The following RALGPS1 variants were observed in gnomAD, a reference collection of about 807,000 sequenced individuals.
RALGPS1 encodes Ral GEF with PH domain and SH3 binding motif 1, also known as ras-specific guanine nucleotide-releasing factor RalGPS1.
RALGPS1 carries 19 observed loss-of-function variants against 78.8 expected under a neutral mutation model. The ratio of observed to expected loss-of-function variants is 0.24; its 90% CI spans 0.17 to 0.35. The LOEUF (loss-of-function observed/expected upper bound fraction) is 0.35. Ranked by LOEUF, RALGPS1 falls within the 10% of genes least tolerant of loss-of-function variation. RALGPS1 has a pLI of 1.00. For missense variants in RALGPS1, 454 were observed against 688.3 expected (o/e 0.66, Z 3.81); for synonymous variants, 228 against 256.3 (o/e 0.89, Z 1.06).
At chr9:127,136,190 GTC>G (rs2057380436) in intron 8 of RALGPS1, among the ~76,000 whole-genome samples, 1 of 152,216 alleles carries the variant, frequency 6.6e-6, no homozygotes, top group Non-Finnish European at 1.5e-5. Context: ...TACCCAAGGA[GTC>G]TCTGCACACT....
rs746852638 is a variant in RALGPS1, at chr9:127,091,689, T to C, written c.610+22333T>C. 5.0e-6 allele frequency: 8 copies of C among 1,613,776 alleles called. No individual in the cohort carries two copies. The Admixed American group carries it at 1.3e-4, about 27-fold the overall frequency. ...TCCTACCTGTGTAGACATCATGATC[T>C]CTGTCCAGGGTGGTGAACTGCTTGC... On this transcript the variant is annotated intron_variant, in intron 8 of 18. Coordinates refer to ENST00000259351, the MANE Select transcript of RALGPS1 (RefSeq NM_014636.3). The surrounding 1 kb of genome is among the most constrained non-coding windows in gnomAD (Gnocchi z 4.3).
chr9:127,175,493 A>T (rs1222407673), intron 11 of RALGPS1, among the ~76,000 whole-genome samples: 1 of 151,930 alleles, frequency 6.6e-6, no homozygotes, highest in African/African-American at 2.4e-5. Context: ...CTTTTTACTC[A>T]TATTCCAACT....
rs185786033 is a variant in RALGPS1, at chr9:127,221,618, T to G, written c.*2849T>G. On this transcript the variant is annotated 3_prime_UTR_variant, in exon 19 of 19. Transcript: ENST00000259351. The stretch of plus-strand genomic sequence containing the variant: ...GTAGAAATCTTGTTCTAACTGTGCC[T>G]GGTGAGAGACTTTGGCCCCCTCCCT... 1 of 152,354 alleles carries G rather than the reference T, an allele frequency of 6.6e-6. No homozygotes were observed. Among genetic ancestry groups the G allele is most frequent in the African/African-American group, 2.4e-5 (1 of 41,580 alleles). The allele number at this position is 152,354 out of a possible 1,614,324, so 9.4% of individuals were successfully genotyped here.
chr9:127,070,693 A>G (rs997175403), intron 8 of RALGPS1, among the ~76,000 whole-genome samples: 4 of 152,088 alleles, frequency 2.6e-5, no homozygotes, highest in Admixed American at 2.6e-4. Context: ...TTATGAAAAA[A>G]TCTTTTGATC....
rs117213036 is a variant in RALGPS1 at position 126,997,866 on chromosome 9, C to T, written c.216+20121C>T. Among the ~76,000 whole-genome samples the T allele has an allele frequency of 9.9e-4, 151 of 152,202 alleles. 3 individuals carry two copies. The East Asian group carries it at 0.028, about 29-fold the overall frequency. On this transcript the variant is annotated intron_variant, in intron 4 of 18. Coordinates refer to ENST00000259351, the MANE Select transcript of RALGPS1 (RefSeq NM_014636.3). ...AACAGAGCCCTCAGAAACAATGCTTCGTATCTACAACTATCTGATCTTTGA... is the reference window on the plus strand; with the variant it reads ...AACAGAGCCCTCAGAAACAATGCTTTGTATCTACAACTATCTGATCTTTGA...
At chr9:127,012,581 C>T (rs146392427) in intron 4 of RALGPS1, among the ~76,000 whole-genome samples, 57 of 152,298 alleles carry the variant, frequency 3.7e-4, no homozygotes, top group Middle Eastern at 6.8e-3. Context: ...GCTGTTCCGA[C>T]GTGGAGGTAG....
intron 8 of RALGPS1, among the ~76,000 whole-genome samples, chr9:127,076,622 A>G (rs988900473): frequency 2.6e-5 from 4 of 152,342 alleles, no homozygotes; most frequent in African/African-American, 9.6e-5. Context: ...ACTGTTGGAT[A>G]TCTAAAAGGG....
intron 1 of RALGPS1, among the ~76,000 whole-genome samples, chr9:126,960,394 C>T (rs965487239): frequency 6.6e-6 from 1 of 151,650 alleles, no homozygotes; most frequent in Non-Finnish European, 1.5e-5. Context: ...CCACCACGCC[C>T]GGCTAATTTT....
chr9:127,124,229 G>T (rs1270482490), intron 8 of RALGPS1, among the ~76,000 whole-genome samples: 1 of 152,220 alleles, frequency 6.6e-6, no homozygotes, highest in Non-Finnish European at 1.5e-5. Context: ...TGACTTCTGA[G>T]GCTGGGAGAG....
intron 8 of RALGPS1, among the ~76,000 whole-genome samples, chr9:127,134,926 T>G (rs1489938615): frequency 6.6e-6 from 1 of 152,128 alleles, no homozygotes; most frequent in Non-Finnish European, 1.5e-5. Context: ...TCCGGCCCAG[T>G]GAGTCCAAGA....
intron 12 of RALGPS1, 99 bp from the exon 13 acceptor site, chr9:127,196,375 T>G: frequency 7.1e-7 from 1 of 1,414,000 alleles, no homozygotes; most frequent in South Asian, 1.4e-5. Flanking sequence ...GAGGCCTTTT[T>G]CCTGCAGCTG....
intron 8 of RALGPS1, among the ~76,000 whole-genome samples, chr9:127,133,392 G>A (rs549400627): frequency 6.6e-6 from 1 of 152,376 alleles, no homozygotes; most frequent in South Asian, 2.1e-4. Flanking sequence ...AGTCTTCACT[G>A]TGAGTTGACA....
At chr9:127,053,811 T>G (rs1589229848) in intron 7 of RALGPS1, among the ~76,000 whole-genome samples, 1 of 152,224 alleles carries the variant, frequency 6.6e-6, no homozygotes, top group Non-Finnish European at 1.5e-5. Context: ...TGAGCCTTGT[T>G]TCTTTAAATT....
At chr9:126,956,812 A>T (rs893539954) in intron 1 of RALGPS1, among the ~76,000 whole-genome samples, 1 of 152,242 alleles carries the variant, frequency 6.6e-6, no homozygotes, top group East Asian at 1.9e-4. Flanking sequence ...AAATTGTATG[A>T]TAACACTGAC....
chr9:127,062,848 A>G (rs2049343856), intron 7 of RALGPS1, among the ~76,000 whole-genome samples: 1 of 152,160 alleles, frequency 6.6e-6, no homozygotes, highest in Non-Finnish European at 1.5e-5. Context: ...GTGACTTTGT[A>G]GTTTTTTATT....
chr9:126,946,643 C>A (rs527652402), intron 1 of RALGPS1, among the ~76,000 whole-genome samples: 1 of 151,452 alleles, frequency 6.6e-6, no homozygotes, highest in South Asian at 2.1e-4. Flanking sequence ...CGAACACACA[C>A]AAGGGGAAGC....
chr9:127,017,017 A>T (rs928243569), intron 4 of RALGPS1: 2 of 152,128 alleles, frequency 1.3e-5, no homozygotes, highest in Non-Finnish European at 2.9e-5. Context: ...GTAAATATTA[A>T]AAAAAAGACC....
chr9:126,995,475 A>C (rs1312235551), intron 4 of RALGPS1, among the ~76,000 whole-genome samples: 1 of 152,234 alleles, frequency 6.6e-6, no homozygotes, highest in African/African-American at 2.4e-5. Context: ...CAACAAGAAG[A>C]GCTAACTATC....
At position 127,219,254 on chromosome 9, in the gene RALGPS1, T is replaced by C. The variant is rs563998063; in HGVS notation, c.*485T>C. 1.1e-4 allele frequency: 22 copies of C among 202,202 alleles called. No homozygotes were observed. The highest frequency in any genetic ancestry group is 1.8e-4 in the Non-Finnish European group (18 of 97,868). 12.5% of individuals were successfully genotyped at this position (202,202 alleles called of 1,614,324 possible). A position where few individuals can be genotyped will look rare whatever the true frequency, so the allele number is the denominator to read the frequency against. On this transcript the variant is annotated 3_prime_UTR_variant, in exon 19 of 19. Transcript: ENST00000259351. This position sits in a 1 kb window ranked among gnomAD's most constrained non-coding sequence, Gnocchi z 5.0. ...CGAAGCGTCCTCTGCGTGTGCGTGC[T>C]GTACGTGTGTGTGTGTGTGTGAGCG...
Sources: gnomAD v4.1 joint callset for allele counts (sites outside exome capture counted in the v4.1 genomes callset) on GRCh38, gnomAD v4.1.1 for gene constraint, Gnocchi (gnomAD v3.1) non-coding constraint, MANE v1.5 for transcripts, NCBI Gene and HGNC (gene_info 2026-07-23, HGNC 2026-07-21) for gene names.